CACNA2D4: variants seen among roughly 807,000 people sequenced by gnomAD.
The protein encoded by CACNA2D4 is calcium voltage-gated channel auxiliary subunit alpha2delta 4, also known as voltage-dependent calcium channel subunit alpha-2/delta-4.
In CACNA2D4, 157 loss-of-function variants were observed where a neutral mutation model predicts 163.8. The ratio of observed to expected loss-of-function variants is 0.96; its 90% CI spans 0.84 to 1.09. CACNA2D4 has a LOEUF of 1.09. CACNA2D4 is among the 50% of genes least tolerant of loss of function. CACNA2D4 has a pLI of 0.00. For synonymous variants in CACNA2D4, 598 were observed against 586.9 expected, an observed-to-expected ratio of 1.02 and a Z score of -0.27; for missense variants, 1,410 against 1,479.9, an observed-to-expected ratio of 0.95 and a Z score of 0.78.
Position 1,841,239 on chromosome 12 carries a change from C to T in CACNA2D4, c.2471-420G>A, listed in dbSNP as rs1418719278. Among the ~76,000 whole-genome samples, 4 of 152,214 alleles carry T rather than the reference C, an allele frequency of 2.6e-5. No homozygotes were observed. The East Asian group carries it at 5.8e-4, about 22-fold the overall frequency. ...GTGAGTCTGCGTGAGTCAGGGAGGA[C>T]GCCGACAGTCAGTCCCAATCAGGAA... On this transcript the variant is annotated intron_variant, in intron 25 of 37. Coordinates refer to ENST00000382722, the MANE Select transcript of CACNA2D4 (RefSeq NM_172364.5).
chr12:1,849,890 G>A (rs1013113458), intron 23 of CACNA2D4, among the ~76,000 whole-genome samples: 1 of 152,196 alleles, frequency 6.6e-6, no homozygotes, highest in Admixed American at 6.5e-5. Flanking sequence ...CATAGTGGCA[G>A]TATATAGAGA....
intron 22 of CACNA2D4, 90 bp from the exon 23 acceptor site, chr12:1,854,134 G>A (rs902155162): frequency 2.1e-6 from 2 of 951,472 alleles, no homozygotes; most frequent in Non-Finnish European, 3.1e-6. Context: ...GAGAAGATGT[G>A]CTTCCTGAAC....
chr12:1,887,986 A>C (rs4765854), intron 6 of CACNA2D4, among the ~76,000 whole-genome samples: 32,888 of 151,944 alleles, frequency 0.22, 5,741 homozygotes, highest in African/African-American at 0.48. Flanking sequence ...AGAGACCATG[A>C]TCTCAAAACC....
intron 26 of CACNA2D4, among the ~76,000 whole-genome samples, chr12:1,824,022 T>A (rs1225409527): frequency 2.0e-5 from 3 of 152,172 alleles, no homozygotes; most frequent in Non-Finnish European, 4.4e-5. Flanking sequence ...TGCCTCAGTT[T>A]CCCCCATCTG....
intron 18 of CACNA2D4, among the ~76,000 whole-genome samples, chr12:1,861,468 G>T (rs1313562010): frequency 6.7e-6 from 1 of 150,374 alleles, no homozygotes; most frequent in Non-Finnish European, 1.5e-5. Context: ...TTGAGATGGA[G>T]TCTCCCTCTT....
intron 27 of CACNA2D4, among the ~76,000 whole-genome samples, chr12:1,811,291 T>G (rs1863699508): frequency 1.3e-5 from 2 of 152,232 alleles, no homozygotes; most frequent in African/African-American, 4.8e-5. Context: ...CAGGCAGAGC[T>G]GGGAATTCTC....
At chr12:1,800,316 G>T (rs963066750) in intron 32 of CACNA2D4, 70 bp downstream of exon 32, 1 of 1,526,656 alleles carries the variant, frequency 6.6e-7, no homozygotes, top group Non-Finnish European at 9.1e-7. Context: ...GCAGCCTCCT[G>T]CTCAAGGACA....
Position 1,830,868 on chromosome 12 carries a change from G to A in CACNA2D4, c.2551+9871C>T, listed in dbSNP as rs75899502. 2,162 of 1,321,342 alleles carry A rather than the reference G, an allele frequency of 1.6e-3. 29 individuals carry two copies. The highest frequency in any genetic ancestry group is 0.016 in the East Asian group (634 of 39,942). 81.9% of individuals were successfully genotyped at this position (1,321,342 alleles called of 1,614,324 possible). A position where few individuals can be genotyped will look rare whatever the true frequency, so the allele number is the denominator to read the frequency against. On this transcript the variant is annotated intron_variant, in intron 26 of 37. Coordinates refer to ENST00000382722, the MANE Select transcript of CACNA2D4 (RefSeq NM_172364.5). ...GAGCCTGTTATGAGCTAGAAAGGAG[G>A]GAAGAGAAGCAGGAGGTGGTGACCC...
At chr12:1,907,602 G>A (rs765241291) in intron 5 of CACNA2D4, 31 bp from the exon 6 acceptor site, 1 of 1,599,064 alleles carries the variant, frequency 6.3e-7, no homozygotes, top group Admixed American at 1.7e-5. Flanking sequence ...TTATGATCCT[G>A]TAGAACTTCT....
At chr12:1,890,208 C>T (rs1866245820) in intron 6 of CACNA2D4, among the ~76,000 whole-genome samples, 1 of 152,282 alleles carries the variant, frequency 6.6e-6, no homozygotes. Flanking sequence ...GAGGGCATTG[C>T]TCCAGAGAGG....
At chr12:1,842,513 G>A (rs1291462796) in intron 25 of CACNA2D4, among the ~76,000 whole-genome samples, 5 of 152,198 alleles carry the variant, frequency 3.3e-5, no homozygotes. Flanking sequence ...GAGCGAGTGA[G>A]TGGGCTGTGG....
rs539273694 is a variant in CACNA2D4 at position 1,893,518 on chromosome 12, A to G, written c.782-6449T>C. On this transcript the variant is annotated intron_variant, in intron 6 of 37. Transcript: ENST00000382722. Reference sequence around the variant, plus strand: ...AGGTGACAGAGCAAAACTCCATCTCAAAAAAATATATAATAATAATAATTG... The same window carrying G: ...AGGTGACAGAGCAAAACTCCATCTCGAAAAAATATATAATAATAATAATTG... Among the ~76,000 whole-genome samples, 154 of 152,218 alleles carry G rather than the reference A, an allele frequency of 1.0e-3. 1 individual carries two copies. Among genetic ancestry groups the G allele is most frequent in the African/African-American group, 3.7e-3 (154 of 41,542 alleles).
rs528664417 is a variant in CACNA2D4, at chr12:1,848,430, G to A, written c.2247-1741C>T. On this transcript the variant is annotated intron_variant, in intron 23 of 37. Transcript: ENST00000382722. ...AGACCTCAGGGCCTGACCGGGTTCC[G>A]GTTTGTGTTTTTACAAGGCTGTTCT... Among the ~76,000 whole-genome samples the A allele has an allele frequency of 3.4e-4, 52 of 152,226 alleles. No homozygotes were observed. In the South Asian group the frequency reaches 6.0e-3, roughly 18 times the overall value.
chr12:1,871,398 G>C (rs551702911), intron 18 of CACNA2D4, among the ~76,000 whole-genome samples: 1 of 135,130 alleles, frequency 7.4e-6, no homozygotes, highest in African/African-American at 2.7e-5. Context: ...TACACGTGCT[G>C]CTGGTGTGTG....
In CACNA2D4 at chr12:1,828,242, G is replaced by T; in HGVS notation, c.2551+12497C>A. 6.5e-7 allele frequency: 1 copy of T among 1,530,988 alleles called. No individual in the cohort carries two copies. The highest frequency in any genetic ancestry group is 8.8e-7 in the Non-Finnish European group (1 of 1,136,710). 94.8% of individuals were successfully genotyped at this position (1,530,988 alleles called of 1,614,324 possible). A position where few individuals can be genotyped will look rare whatever the true frequency, so the allele number is the denominator to read the frequency against. Reference sequence around the variant, plus strand: ...TGAGTACACCCCTGGCCTCGGAGGGGGGTGCGGGTTGGGTGGGGGTGCCGA... The same window carrying T: ...TGAGTACACCCCTGGCCTCGGAGGGTGGTGCGGGTTGGGTGGGGGTGCCGA... On this transcript the variant is annotated intron_variant, in intron 26 of 37. Transcript: ENST00000382722. This position sits in a 1 kb window ranked among gnomAD's most constrained non-coding sequence, Gnocchi z 4.2.
chr12:1,874,787 C>A lies in CACNA2D4; in HGVS notation c.1807-112G>T. 1 of 783,722 alleles carries A rather than the reference C, an allele frequency of 1.3e-6. No individual in the cohort carries two copies. The highest frequency in any genetic ancestry group is 2.2e-6 in the Non-Finnish European group (1 of 447,428). The allele number at this position is 783,722 out of a possible 1,614,324, so 48.5% of individuals were successfully genotyped here. ...TCCCCAGAAACACTTTTGGTTCTTC[C>A]CTTTTTCCTCTGAGAGAGATACCAG... On this transcript the variant is annotated intron_variant, in intron 17 of 37. Coordinates refer to ENST00000382722, the MANE Select transcript of CACNA2D4 (RefSeq NM_172364.5). The surrounding 1 kb of genome is among the most constrained non-coding windows in gnomAD (Gnocchi z 4.4).
At chr12:1,808,859 AGGTCCG>A (rs1863623617) in intron 29 of CACNA2D4, among the ~76,000 whole-genome samples, 1 of 152,188 alleles carries the variant, frequency 6.6e-6, no homozygotes, top group African/African-American at 2.4e-5. Flanking sequence ...AAAAATACAA[AGGTCCG>A]GTGCTCTGTC....
At chr12:1,846,100 G>A (rs1865136969) in intron 24 of CACNA2D4, among the ~76,000 whole-genome samples, 1 of 152,082 alleles carries the variant, frequency 6.6e-6, no homozygotes, top group Non-Finnish European at 1.5e-5. Flanking sequence ...GCACTGCGGG[G>A]TGAGCACTCC....
intron 34 of CACNA2D4, among the ~76,000 whole-genome samples, chr12:1,797,936 C>T (rs1417901859): frequency 1.3e-5 from 2 of 152,154 alleles, no homozygotes; most frequent in Non-Finnish European, 2.9e-5. Context: ...AGGCCCACCA[C>T]CCCTCCCTTC....
Sources: gnomAD v4.1 joint callset for allele counts (sites outside exome capture counted in the v4.1 genomes callset) on GRCh38, gnomAD v4.1.1 for gene constraint, Gnocchi (gnomAD v3.1) non-coding constraint, MANE v1.5 for transcripts, NCBI Gene and HGNC (gene_info 2026-07-23, HGNC 2026-07-21) for gene names.